STK4: variants seen among roughly 807,000 people sequenced by gnomAD.
The protein encoded by STK4 is serine/threonine-protein kinase 4.
STK4 carries 30 observed loss-of-function variants against 64.9 expected under a neutral mutation model. The ratio of observed to expected loss-of-function variants is 0.46; its 90% CI spans 0.35 to 0.63. The LOEUF (loss-of-function observed/expected upper bound fraction) is 0.63, where lower values mean the gene tolerates loss of function less well. Ranked by LOEUF, STK4 falls within the 20% of genes least tolerant of loss-of-function variation. STK4 has a pLI of 0.01. For missense variants in STK4, 466 were observed against 598.5 expected, an observed-to-expected ratio of 0.78 and a Z score of 2.31; for synonymous variants, 177 against 199.0, an observed-to-expected ratio of 0.89 and a Z score of 0.93.
intron 10 of STK4, among the ~76,000 whole-genome samples, chr20:45,068,313 T>C (rs6031968): frequency 0.019 from 2,940 of 152,308 alleles, 107 homozygotes; most frequent in African/African-American, 0.067. Context: ...TGCCCAGCAG[T>C]GTTCCTGGCC....
chr20:44,971,082 TACACACACACAC>T lies in STK4; in HGVS notation c.36-964_36-953del, dbSNP rs142027582. Among the ~76,000 whole-genome samples the T allele has an allele frequency of 3.3e-3, 445 of 136,398 alleles. 3 individuals are homozygous for T. Among genetic ancestry groups the T allele is most frequent in the South Asian group, 0.021 (83 of 3,870 alleles). The allele number at this position is 136,398 out of a possible 152,430, so 89.5% of individuals were successfully genotyped here. On this transcript the variant is annotated intron_variant, in intron 1 of 10. Transcript: ENST00000372806. ...AGTTTCAGGAAGCCATTGTGTAGAC[TACACACACACAC>T]ACACACACACACACACACACACACA...
chr20:45,006,861 C>T lies in STK4; in HGVS notation c.1147+5508C>T, dbSNP rs533953999. On this transcript the variant is annotated intron_variant, in intron 9 of 10. Coordinates refer to ENST00000372806, the MANE Select transcript of STK4 (RefSeq NM_006282.5). ...TGCTGGGAATTGAGTTCTGGCTTCC[C>T]CTTTAACAGGTATGTCTTGCCTTCT... Among the ~76,000 whole-genome samples the T allele has an allele frequency of 4.6e-5, 7 of 152,254 alleles. No individual in the cohort carries two copies. The South Asian group carries it at 1.5e-3, about 32-fold the overall frequency.
intron 10 of STK4, among the ~76,000 whole-genome samples, chr20:45,027,960 G>A (rs772887187): frequency 7.9e-5 from 12 of 152,086 alleles, no homozygotes; most frequent in African/African-American, 1.7e-4. Context: ...CTTTTCTGGC[G>A]GATAATATTC....
chr20:45,078,214 T>TA lies in STK4; in HGVS notation c.*3038_*3039insA, dbSNP rs1980666117. The TA allele has an allele frequency of 6.6e-6, 1 of 151,134 alleles. No individual in the cohort carries two copies. The highest frequency in any genetic ancestry group is 1.5e-5 in the Non-Finnish European group (1 of 67,704). The allele number at this position is 151,134 out of a possible 1,614,324, so 9.4% of individuals were successfully genotyped here. On this transcript the variant is annotated 3_prime_UTR_variant, in exon 11 of 11. Transcript: ENST00000372806. ...GAATTCTTTTTTTGTTTGTGTTTTT[T>TA]TTTTTTTTTGAGACAGAGTCTCACT... is the stretch of plus-strand genomic sequence containing the variant.
intron 1 of STK4, chr20:44,967,326 A>G: frequency 4.0e-6 from 3 of 749,020 alleles, no homozygotes; most frequent in African/African-American, 1.9e-5. Flanking sequence ...GGTCCAGAGT[A>G]GTTGGGAAGT....
At chr20:45,049,363 C>T (rs2068743891) in intron 10 of STK4, among the ~76,000 whole-genome samples, 1 of 152,020 alleles carries the variant, frequency 6.6e-6, no homozygotes, top group South Asian at 2.1e-4. Flanking sequence ...AATTTTCTAC[C>T]CCCTCCCAAG....
At chr20:44,998,061 C>T (rs1017971227) in intron 7 of STK4, among the ~76,000 whole-genome samples, 12 of 152,254 alleles carry the variant, frequency 7.9e-5, no homozygotes, top group East Asian at 1.9e-4. Context: ...CAAGTCTACC[C>T]GAGTCTGACA....
chr20:44,992,986 G>A (rs368560245), intron 5 of STK4, among the ~76,000 whole-genome samples: 3 of 151,986 alleles, frequency 2.0e-5, no homozygotes, highest in Admixed American at 6.6e-5. Context: ...ATGAGCCACC[G>A]TGCCTGACTG....
At chr20:45,062,566 T>A (rs1429307794) in intron 10 of STK4, among the ~76,000 whole-genome samples, 1 of 152,250 alleles carries the variant, frequency 6.6e-6, no homozygotes, top group East Asian at 1.9e-4. Flanking sequence ...CATTCTCTTT[T>A]CTCCACAACC....
chr20:44,984,498 G>A (rs545214320), intron 4 of STK4, among the ~76,000 whole-genome samples: 6 of 152,046 alleles, frequency 3.9e-5, no homozygotes, highest in East Asian at 1.9e-4. Flanking sequence ...CACCGTTCCC[G>A]GCCTAAGTGC....
In STK4 at chr20:44,997,267, G is replaced by C; in HGVS notation, c.792G>C (p.Lys264Asn). 6.2e-6 allele frequency: 10 copies of C among 1,612,404 alleles called. No homozygotes were observed. The highest frequency in any genetic ancestry group is 1.7e-4 in the Middle Eastern group (1 of 6,048). Residue 264 changes from lysine to asparagine, a missense_variant, in exon 7 of 11, where the codon AAG becomes AAC. Physicochemically the swap from Lys to Asn is moderately conservative, Grantham distance 94. Transcript: ENST00000372806. Reference sequence around the variant, plus strand: ...ATTTTGTGAAACAGTGTCTTGTAAAGAGCCCTGAGCAGAGGGCCACAGCCA... The same window carrying C: ...ATTTTGTGAAACAGTGTCTTGTAAACAGCCCTGAGCAGAGGGCCACAGCCA... ...FTDFVKQCLV[K>N]SPEQRATATQ...
Position 45,053,151 on chromosome 20 carries a change from G to A in STK4, c.1306-21867G>A, listed in dbSNP as rs757434476. ...TCCAAAATTGCCAGGGAAACCTGCTGTGTAGATACGCTTTCTGAGAAACCA... is the reference window on the plus strand; with the variant it reads ...TCCAAAATTGCCAGGGAAACCTGCTATGTAGATACGCTTTCTGAGAAACCA... On this transcript the variant is annotated intron_variant, in intron 10 of 10. Coordinates refer to ENST00000372806, the MANE Select transcript of STK4 (RefSeq NM_006282.5). 4 of 1,612,638 alleles carry A rather than the reference G, an allele frequency of 2.5e-6. No individual in the cohort carries two copies. The African/African-American group carries it at 4.0e-5, about 16-fold the overall frequency.
chr20:45,039,466 A>G (rs180885442), intron 10 of STK4, among the ~76,000 whole-genome samples: 4 of 152,204 alleles, frequency 2.6e-5, no homozygotes, highest in Non-Finnish European at 5.9e-5. Context: ...ATCAGCTACA[A>G]CACTCTTAGT....
At chr20:44,993,929 A>G (rs184910615) in intron 5 of STK4, among the ~76,000 whole-genome samples, 2 of 152,050 alleles carry the variant, frequency 1.3e-5, no homozygotes, top group East Asian at 3.9e-4. Context: ...CAGTGAGCCA[A>G]GATTGTGCCT....
chr20:44,987,513 A>T (rs1060641), intron 5 of STK4, among the ~76,000 whole-genome samples: 18,582 of 152,200 alleles, frequency 0.12, 1,525 homozygotes, highest in East Asian at 0.22. Flanking sequence ...AACTTTTATA[A>T]AGATGAAAAG....
chr20:45,072,593 C>T (rs763890341), intron 10 of STK4, among the ~76,000 whole-genome samples: 10 of 152,122 alleles, frequency 6.6e-5, no homozygotes, highest in Non-Finnish European at 1.2e-4. Flanking sequence ...CTATGTGCCT[C>T]GAATAGCACC....
At chr20:45,044,863 A>G (rs2068669063) in intron 10 of STK4, among the ~76,000 whole-genome samples, 1 of 152,306 alleles carries the variant, frequency 6.6e-6, no homozygotes, top group Non-Finnish European at 1.5e-5. Flanking sequence ...TAAAAATTAA[A>G]CATAATAGTA....
At chr20:45,005,323 G>A (rs957636302) in intron 9 of STK4, among the ~76,000 whole-genome samples, 4 of 151,648 alleles carry the variant, frequency 2.6e-5, no homozygotes, top group African/African-American at 9.7e-5. Context: ...TGTTATTGTT[G>A]TCTATTGCTT....
In STK4 at chr20:44,970,136, G is replaced by A. The variant is rs573822113; in HGVS notation, c.36-1942G>A. Among the ~76,000 whole-genome samples, 21 of 152,002 alleles carry A rather than the reference G, an allele frequency of 1.4e-4. No homozygotes were observed. In the East Asian group the frequency reaches 3.9e-3, roughly 28 times the overall value. ...TTCGAGCCGTCATATGCTAAATGAC[G>A]AGTTAATGGGTGCAGCACACCAGCA... On this transcript the variant is annotated intron_variant, in intron 1 of 10. Transcript: ENST00000372806.
Sources: gnomAD v4.1 joint callset for allele counts (sites outside exome capture counted in the v4.1 genomes callset) on GRCh38, gnomAD v4.1.1 for gene constraint, MANE v1.5 for transcripts, NCBI Gene and HGNC (gene_info 2026-07-23, HGNC 2026-07-21) for gene names.